The following RSRC1 variants were observed in gnomAD, a reference collection of about 807,000 sequenced individuals.
RSRC1 encodes arginine and serine rich coiled-coil 1, also known as serine/Arginine-related protein 53.
RSRC1 carries 39 observed loss-of-function variants against 49.1 expected under a neutral mutation model. The ratio of observed to expected loss-of-function variants is 0.79; its 90% confidence interval spans 0.61 to 1.04. The LOEUF is 1.04. RSRC1 is among the 50% of genes least tolerant of loss of function. The pLI is 0.00. For synonymous variants in RSRC1, 143 were observed against 130.8 expected, an observed-to-expected ratio of 1.09 and a Z score of -0.63; for missense variants, 388 against 402.4, an observed-to-expected ratio of 0.96 and a Z score of 0.31.
intron 5 of RSRC1, among the ~76,000 whole-genome samples, chr3:158,343,112 T>G (rs754569931): frequency 7.9e-5 from 12 of 152,180 alleles, no homozygotes; most frequent in Non-Finnish European, 1.5e-4. Flanking sequence ...AACTGAAGCT[T>G]GGGAAATAGC....
intron 3 of RSRC1, among the ~76,000 whole-genome samples, chr3:158,143,851 A>G (rs1021127530): frequency 4.6e-4 from 70 of 152,334 alleles, no homozygotes; most frequent in African/African-American, 1.5e-3. Context: ...GGCAATGCCA[A>G]AGGCTCTAGT....
intron 7 of RSRC1, among the ~76,000 whole-genome samples, chr3:158,470,788 G>T (rs1234813260): frequency 2.0e-5 from 3 of 152,060 alleles, no homozygotes; most frequent in African/African-American, 7.2e-5. Flanking sequence ...AAGATGAACA[G>T]CAGGACCCAA....
intron 4 of RSRC1, among the ~76,000 whole-genome samples, chr3:158,229,613 G>A (rs890837925): frequency 1.3e-5 from 2 of 151,146 alleles, no homozygotes; most frequent in African/African-American, 2.4e-5. Flanking sequence ...CACTGTGTGG[G>A]AGTTAATATG....
chr3:158,278,524 A>G (rs1448024587), intron 4 of RSRC1, among the ~76,000 whole-genome samples: 1 of 152,238 alleles, frequency 6.6e-6, no homozygotes, highest in Non-Finnish European at 1.5e-5. Flanking sequence ...TGACTCCTCA[A>G]ATAAACAACT....
intron 6 of RSRC1, among the ~76,000 whole-genome samples, chr3:158,406,110 C>A (rs1734151220): frequency 1.3e-5 from 2 of 151,850 alleles, no homozygotes; most frequent in Non-Finnish European, 1.5e-5. Context: ...TTGAAATCTG[C>A]AAGTATAGAA....
At chr3:158,515,818 A>G (rs1740489489) in intron 7 of RSRC1, among the ~76,000 whole-genome samples, 5 of 151,898 alleles carry the variant, frequency 3.3e-5, no homozygotes, top group Admixed American at 2.0e-4. Context: ...TTTTTTCTGT[A>G]AACTTCCCTT....
intron 4 of RSRC1, among the ~76,000 whole-genome samples, chr3:158,286,986 C>G (rs1726603413): frequency 6.6e-6 from 1 of 152,102 alleles, no homozygotes; most frequent in South Asian, 2.1e-4. Flanking sequence ...GCCACCACAC[C>G]CGGCCAATTT....
At chr3:158,216,461 T>G (rs1267606982) in intron 4 of RSRC1, among the ~76,000 whole-genome samples, 2 of 151,740 alleles carry the variant, frequency 1.3e-5, no homozygotes, top group East Asian at 1.9e-4. Flanking sequence ...CTCAATTTTA[T>G]GTTTATCTTC....
chr3:158,532,108 T>C (rs1203412802), intron 7 of RSRC1, among the ~76,000 whole-genome samples: 1 of 151,942 alleles, frequency 6.6e-6, no homozygotes, highest in Non-Finnish European at 1.5e-5. Flanking sequence ...TTTATGTATT[T>C]GTAGCAATAT....
intron 5 of RSRC1, among the ~76,000 whole-genome samples, chr3:158,344,994 G>A (rs1434744329): frequency 2.0e-5 from 3 of 152,020 alleles, no homozygotes; most frequent in Admixed American, 6.6e-5. Context: ...CGAGGCTGGC[G>A]GATCGCCTGA....
At chr3:158,444,014 G>A (rs1024336109) in intron 6 of RSRC1, among the ~76,000 whole-genome samples, 1 of 152,110 alleles carries the variant, frequency 6.6e-6, no homozygotes, top group Non-Finnish European at 1.5e-5. Flanking sequence ...TATGGGCCTG[G>A]TTTGTGGCAT....
intron 6 of RSRC1, among the ~76,000 whole-genome samples, chr3:158,425,911 T>C (rs1735404584): frequency 6.6e-6 from 1 of 151,798 alleles, no homozygotes; most frequent in Non-Finnish European, 1.5e-5. Context: ...TCCTACCAGA[T>C]AATAAGATTC....
chr3:158,305,601 G>A (rs1275931540), intron 5 of RSRC1, among the ~76,000 whole-genome samples: 2 of 152,050 alleles, frequency 1.3e-5, no homozygotes, highest in African/African-American at 2.4e-5. Flanking sequence ...TTAAGTAACT[G>A]TAGAGAGAGA....
At chr3:158,325,834 C>T (rs1372368042) in intron 5 of RSRC1, among the ~76,000 whole-genome samples, 12 of 152,152 alleles carry the variant, frequency 7.9e-5, no homozygotes, top group Admixed American at 7.9e-4. Context: ...TGGCCATTTT[C>T]ACAATATTGA....
At chr3:158,279,917 T>C (rs1434092873) in intron 4 of RSRC1, among the ~76,000 whole-genome samples, 1 of 152,182 alleles carries the variant, frequency 6.6e-6, no homozygotes, top group Non-Finnish European at 1.5e-5. Context: ...GAAACCAGGT[T>C]GTGAAAACTG....
chr3:158,315,263 GCAA>G (rs914451158), intron 5 of RSRC1, among the ~76,000 whole-genome samples: 5 of 152,090 alleles, frequency 3.3e-5, no homozygotes, highest in African/African-American at 9.7e-5. Context: ...AGTCTTTATA[GCAA>G]CAACATTATG....
At chr3:158,378,373 A>G (rs1342599715) in intron 6 of RSRC1, among the ~76,000 whole-genome samples, 1 of 152,074 alleles carries the variant, frequency 6.6e-6, no homozygotes, top group Non-Finnish European at 1.5e-5. Flanking sequence ...TTCCTTTGAC[A>G]CTGGGTCCAG....
chr3:158,440,528 C>T (rs1013950770), intron 6 of RSRC1, among the ~76,000 whole-genome samples: 2 of 152,104 alleles, frequency 1.3e-5, no homozygotes, highest in African/African-American at 4.8e-5. Flanking sequence ...TTGAAATTTA[C>T]ATTTTAATTA....
chr3:158,535,100 CAAAT>C (rs373441640), intron 7 of RSRC1, among the ~76,000 whole-genome samples: 364 of 151,228 alleles, frequency 2.4e-3, no homozygotes, highest in African/African-American at 8.5e-3. Context: ...TTAACTGAAA[CAAAT>C]AAACCTAATT....
Sources: allele counts gnomAD v4.1 joint callset (sites outside exome capture counted in the v4.1 genomes callset), GRCh38; gene constraint gnomAD v4.1.1; transcripts MANE v1.5; gene names NCBI Gene and HGNC (gene_info 2026-07-23, HGNC 2026-07-21).